The following PTPRN2 variants were observed in gnomAD, a reference collection of about 807,000 sequenced individuals.
The protein encoded by PTPRN2 is protein tyrosine phosphatase receptor type N2.
Under a neutral mutation model 118.8 loss-of-function variants are expected in PTPRN2, and 74 were observed. The ratio of observed to expected loss-of-function variants is 0.62; its 90% CI spans 0.52 to 0.76. The LOEUF (loss-of-function observed/expected upper bound fraction) is 0.76. Among genes scored for constraint, PTPRN2 ranks in the 30% least tolerant of loss-of-function variants. The pLI, the probability that PTPRN2 is intolerant of heterozygous loss-of-function variation, is 0.00. For missense variants in PTPRN2, 1,481 were observed against 1,394.4 expected (o/e 1.06, Z -0.99); for synonymous variants, 641 against 608.0 (o/e 1.05, Z -0.80).
chr7:158,059,805 A>G (rs868146753), intron 11 of PTPRN2, among the ~76,000 whole-genome samples: 40 of 126,518 alleles, frequency 3.2e-4, no homozygotes, highest in East Asian at 1.9e-3. Flanking sequence ...CCACGGTGAG[A>G]CATCACTGCA....
chr7:158,169,326 T>G (rs1823314004), intron 5 of PTPRN2, among the ~76,000 whole-genome samples: 1 of 151,796 alleles, frequency 6.6e-6, no homozygotes, highest in Admixed American at 6.6e-5. Flanking sequence ...CACTACAACC[T>G]CTGCCTCCTT....
chr7:158,010,321 A>G (rs1805951913), intron 11 of PTPRN2, among the ~76,000 whole-genome samples: 1 of 152,200 alleles, frequency 6.6e-6, no homozygotes, highest in South Asian at 2.1e-4. Context: ...TAGGTGCTAC[A>G]GAGACATCTA....
Position 158,109,594 on chromosome 7 carries a change from C to T in PTPRN2, c.1643+1235G>A, listed in dbSNP as rs376465311. Among the ~76,000 whole-genome samples, 111 of 148,320 alleles carry T rather than the reference C, an allele frequency of 7.5e-4. 3 individuals are homozygous for T. The South Asian group carries it at 0.023, about 31-fold the overall frequency. On this transcript the variant is annotated intron_variant, in intron 10 of 22. Transcript: ENST00000389418. ...TCAGTGAATGAATGACATCACCCTG[C>T]GTGTAGGAGCCAGTGAGTGAATGAC... is the stretch of plus-strand genomic sequence containing the variant.
At chr7:157,830,133 C>T (rs571461956) in intron 12 of PTPRN2, among the ~76,000 whole-genome samples, 1 of 135,704 alleles carries the variant, frequency 7.4e-6, no homozygotes, top group African/African-American at 2.8e-5. Context: ...ATGGGAAGTG[C>T]CAACCCTGGA....
At chr7:157,981,032 A>C (rs568940301) in intron 11 of PTPRN2, among the ~76,000 whole-genome samples, 28 of 152,290 alleles carry the variant, frequency 1.8e-4, no homozygotes, top group Admixed American at 1.8e-3. Flanking sequence ...CGCCTCCCAC[A>C]CGGGCACTGG....
chr7:158,506,905 C>T (rs1248024093), intron 1 of PTPRN2, among the ~76,000 whole-genome samples: 1 of 152,196 alleles, frequency 6.6e-6, no homozygotes, highest in African/African-American at 2.4e-5. Flanking sequence ...AGGGCCAGCC[C>T]AGCCCGGAGC....
At chr7:158,451,785 A>C (rs1241907667) in intron 2 of PTPRN2, among the ~76,000 whole-genome samples, 2 of 152,210 alleles carry the variant, frequency 1.3e-5, no homozygotes, top group Non-Finnish European at 1.5e-5. Context: ...TGGTGAGTTA[A>C]AGTTATGTGA....
chr7:157,836,347 G>C (rs751178560), intron 12 of PTPRN2, among the ~76,000 whole-genome samples: 6 of 152,168 alleles, frequency 3.9e-5, no homozygotes, highest in Non-Finnish European at 7.3e-5. Context: ...ATTTAGAAGA[G>C]CTTGCACCAT....
At chr7:158,319,353 A>G (rs1466720941) in intron 2 of PTPRN2, among the ~76,000 whole-genome samples, 1 of 151,934 alleles carries the variant, frequency 6.6e-6, no homozygotes, top group Non-Finnish European at 1.5e-5. Context: ...GAAAGTAGGG[A>G]TATTTTCCAT....
rs73748027 is a variant in PTPRN2 at position 158,081,156 on chromosome 7, G to A, written c.1723+142C>T. On this transcript the variant is annotated intron_variant, in intron 11 of 22. Transcript: ENST00000389418. Reference sequence around the variant, plus strand: ...CCCTCACTGCACACCAGATTTCCACGGAAACCGAGACCTTCCTCTGGGTTG... The same window carrying A: ...CCCTCACTGCACACCAGATTTCCACAGAAACCGAGACCTTCCTCTGGGTTG... The A allele has an allele frequency of 1.7e-3, 1,406 of 810,084 alleles. 12 individuals are homozygous for A. In the African/African-American group the frequency reaches 0.021, roughly 12 times the overall value. 50.2% of individuals were successfully genotyped at this position (810,084 alleles called of 1,614,324 possible). A position where few individuals can be genotyped will look rare whatever the true frequency, so the allele number is the denominator to read the frequency against.
At chr7:158,114,562 G>C (rs2150377836) in intron 9 of PTPRN2, among the ~76,000 whole-genome samples, 1 of 152,364 alleles carries the variant, frequency 6.6e-6, no homozygotes, top group Admixed American at 6.5e-5. Context: ...GTGGTACCAG[G>C]CTGAGCCAGG....
rs551215165 is a variant in PTPRN2, at chr7:157,723,886, A to G, written c.1789-40949T>C. 2.0e-3 allele frequency among the ~76,000 whole-genome samples: 304 copies of G among 152,350 alleles called. 8 individuals carry two copies. Among genetic ancestry groups the G allele is most frequent in the Admixed American group, 0.02 (300 of 15,302 alleles). On this transcript the variant is annotated intron_variant, in intron 12 of 22. Coordinates refer to ENST00000389418, the MANE Select transcript of PTPRN2 (RefSeq NM_002847.5). ...CAGAAAGACTTCCACGCTGCACACA[A>G]CGCTCAGAGCAGAACGTCTGGGAAT...
At chr7:158,165,913 CTG>C (rs1472364268) in intron 6 of PTPRN2, among the ~76,000 whole-genome samples, 3 of 152,132 alleles carry the variant, frequency 2.0e-5, no homozygotes, top group African/African-American at 7.2e-5. Context: ...GAGGCCGACA[CTG>C]TTCAGCTAGT....
At chr7:158,418,642 A>G (rs6459878) in intron 2 of PTPRN2, among the ~76,000 whole-genome samples, 132,009 of 141,506 alleles carry the variant, frequency 0.93, 61,475 homozygotes, top group African/African-American at 0.95. Context: ...GTACTACATC[A>G]AGATGCTGTA....
chr7:157,915,848 A>C (rs1259304739), intron 11 of PTPRN2, among the ~76,000 whole-genome samples: 2 of 152,102 alleles, frequency 1.3e-5, no homozygotes, highest in African/African-American at 4.8e-5. Flanking sequence ...ATATTCTCGT[A>C]GTTTTGTTTT....
intron 11 of PTPRN2, among the ~76,000 whole-genome samples, chr7:157,959,152 G>C (rs1414876984): frequency 6.6e-6 from 1 of 152,164 alleles, no homozygotes; most frequent in East Asian, 1.9e-4. Flanking sequence ...TTCAACAAAT[G>C]GTTCTCAGAC....
intron 11 of PTPRN2, among the ~76,000 whole-genome samples, chr7:157,991,974 C>T (rs1486859010): frequency 1.3e-5 from 2 of 152,154 alleles, no homozygotes; most frequent in Non-Finnish European, 2.9e-5. Context: ...ACCATCAGGC[C>T]AGCACAGGCA....
chr7:157,908,633 G>A (rs1196695827), intron 11 of PTPRN2, among the ~76,000 whole-genome samples: 5 of 152,116 alleles, frequency 3.3e-5, no homozygotes, highest in East Asian at 1.9e-4. Context: ...CATGACTCAC[G>A]CAACCAGCTC....
At chr7:157,943,588 G>A (rs1800279539) in intron 11 of PTPRN2, among the ~76,000 whole-genome samples, 1 of 151,626 alleles carries the variant, frequency 6.6e-6, no homozygotes. Context: ...CCTCAACATG[G>A]AGGATCCCCA....
Sources: gnomAD v4.1 joint callset for allele counts (sites outside exome capture counted in the v4.1 genomes callset) on GRCh38, gnomAD v4.1.1 for gene constraint, MANE v1.5 for transcripts, NCBI Gene and HGNC (gene_info 2026-07-23, HGNC 2026-07-21) for gene names.